Variants in BMP5 observed in about 807,000 individuals in gnomAD.
The protein encoded by BMP5 is bone morphogenetic protein 5.
A neutral mutation model predicts 46.6 loss-of-function variants in BMP5; 23 were observed. The ratio of observed to expected loss-of-function variants is 0.49; its 90% CI spans 0.35 to 0.70. The LOEUF (loss-of-function observed/expected upper bound fraction) is 0.70. Ranked by LOEUF, BMP5 falls within the 30% of genes least tolerant of loss-of-function variation. The pLI, the probability that BMP5 is intolerant of heterozygous loss-of-function variation, is 0.00. For missense variants in BMP5, 545 were observed against 565.6 expected (o/e 0.96, Z 0.37); for synonymous variants, 204 against 191.9 (o/e 1.06, Z -0.52).
At position 55,875,116 on chromosome 6, in the gene BMP5, T is replaced by A. The variant is rs1582138954; in HGVS notation, c.-251A>T. ...TCAGATTTCCAATTATCCACAGTTG[T>A]TAAGAGTTTTTGCTGCATTGATGTA... is the stretch of plus-strand genomic sequence containing the variant. On this transcript the variant is annotated 5_prime_UTR_variant, in exon 1 of 7. Coordinates refer to ENST00000370830, the MANE Select transcript of BMP5 (RefSeq NM_021073.4). The A allele has an allele frequency of 2.3e-6, 1 of 426,670 alleles. No individual in the cohort carries two copies. Among genetic ancestry groups the A allele is most frequent in the African/African-American group, 2.0e-5 (1 of 49,912 alleles). 26.4% of individuals were successfully genotyped at this position (426,670 alleles called of 1,614,324 possible).
intron 1 of BMP5, among the ~76,000 whole-genome samples, chr6:55,829,957 T>C (rs1776627174): frequency 1.3e-5 from 2 of 151,982 alleles, no homozygotes; most frequent in Admixed American, 6.6e-5. Flanking sequence ...TTAAAAACAT[T>C]TGGTCCCTTC....
intron 3 of BMP5, among the ~76,000 whole-genome samples, chr6:55,779,976 A>T (rs1284799754): frequency 2.0e-5 from 3 of 151,944 alleles, no homozygotes; most frequent in African/African-American, 7.2e-5. Flanking sequence ...TTTTTGAGTG[A>T]TTCTTCACAG....
In BMP5 at chr6:55,796,243, T is replaced by A. The variant is rs144363455; in HGVS notation, c.684-1816A>T. On this transcript the variant is annotated intron_variant, in intron 2 of 6. Coordinates refer to ENST00000370830, the MANE Select transcript of BMP5 (RefSeq NM_021073.4). ...AGGCTCATAATGTCATCCCTTGGCA[T>A]GATATTAATAAAGACATGAAAAACA... Among the ~76,000 whole-genome samples, 785 of 152,218 alleles carry A rather than the reference T, an allele frequency of 5.2e-3. 6 individuals carry two copies. The highest frequency in any genetic ancestry group is 0.018 in the African/African-American group (739 of 41,538).
At chr6:55,850,378 A>ATAGG (rs1777205359) in intron 1 of BMP5, among the ~76,000 whole-genome samples, 1 of 143,968 alleles carries the variant, frequency 6.9e-6, no homozygotes, top group African/African-American at 3.0e-5. Flanking sequence ...AGATAGATAG[A>ATAGG]TAGATAGATA....
At chr6:55,809,441 TA>T (rs916272862) in intron 2 of BMP5, among the ~76,000 whole-genome samples, 1 of 152,074 alleles carries the variant, frequency 6.6e-6, no homozygotes, top group African/African-American at 2.4e-5. Flanking sequence ...TAATCCATAA[TA>T]AAACCACCTC....
chr6:55,838,626 T>G (rs868182532), intron 1 of BMP5, among the ~76,000 whole-genome samples: 1 of 152,172 alleles, frequency 6.6e-6, no homozygotes, highest in Non-Finnish European at 1.5e-5. Flanking sequence ...TTTCCCTTGC[T>G]GTGCAGAAGG....
At chr6:55,758,726 C>T (rs1398405885) in intron 6 of BMP5, among the ~76,000 whole-genome samples, 1 of 151,834 alleles carries the variant, frequency 6.6e-6, no homozygotes, top group Non-Finnish European at 1.5e-5. Flanking sequence ...TGTGCTTAGT[C>T]ATACTGTGTA....
intron 2 of BMP5, among the ~76,000 whole-genome samples, chr6:55,800,127 C>A (rs1290133792): frequency 6.6e-6 from 1 of 152,026 alleles, no homozygotes; most frequent in South Asian, 2.1e-4. Context: ...CACAAATATA[C>A]AAAAATGCTA....
At chr6:55,781,780 T>C (rs1225000090) in intron 3 of BMP5, among the ~76,000 whole-genome samples, 1 of 151,976 alleles carries the variant, frequency 6.6e-6, no homozygotes, top group African/African-American at 2.4e-5. Context: ...GTGAAGTTTT[T>C]GTATTTTTTT....
chr6:55,835,841 A>G (rs1172677055), intron 1 of BMP5, among the ~76,000 whole-genome samples: 1 of 152,216 alleles, frequency 6.6e-6, no homozygotes, highest in Non-Finnish European at 1.5e-5. Flanking sequence ...CAATTTGGGG[A>G]AAAGAATTAC....
intron 2 of BMP5, among the ~76,000 whole-genome samples, chr6:55,800,169 G>A (rs745804831): frequency 5.3e-5 from 8 of 152,006 alleles, no homozygotes; most frequent in South Asian, 2.1e-4. Context: ...ATCTGAAGAC[G>A]ATATACTTAT....
intron 5 of BMP5, 57 bp from the exon 6 acceptor site, chr6:55,759,172 A>AAAAAAAC (rs1774697414): frequency 1.5e-5 from 11 of 738,870 alleles, no homozygotes; most frequent in South Asian, 6.2e-5. Flanking sequence ...AAAAAAAAAA[A>AAAAAAAC]AAAAAAAAAA....
At chr6:55,803,189 G>A (rs1775894799) in intron 2 of BMP5, among the ~76,000 whole-genome samples, 3 of 151,688 alleles carry the variant, frequency 2.0e-5, no homozygotes, top group African/African-American at 7.3e-5. Flanking sequence ...CCAGCTACTC[G>A]GGAGGCTGAG....
intron 1 of BMP5, among the ~76,000 whole-genome samples, chr6:55,848,073 C>A (rs1404503403): frequency 6.6e-6 from 1 of 151,868 alleles, no homozygotes; most frequent in African/African-American, 2.4e-5. Context: ...GCTGGTGTAG[C>A]CTAAGTTACA....
intron 1 of BMP5, among the ~76,000 whole-genome samples, chr6:55,856,406 G>C (rs898623976): frequency 2.0e-5 from 3 of 152,090 alleles, no homozygotes; most frequent in African/African-American, 4.8e-5. Context: ...ACTGAGATTT[G>C]TGTCATAATG....
intron 4 of BMP5, among the ~76,000 whole-genome samples, chr6:55,766,915 G>A (rs540325812): frequency 6.6e-6 from 1 of 152,024 alleles, no homozygotes; most frequent in Middle Eastern, 3.4e-3. Context: ...TTTATTCTCA[G>A]ATAAGTCCCT....
chr6:55,799,776 G>T (rs552557729), intron 2 of BMP5, among the ~76,000 whole-genome samples: 22 of 152,192 alleles, frequency 1.4e-4, no homozygotes, highest in African/African-American at 1.9e-4. Flanking sequence ...ACTTGCTGCT[G>T]CCCGAGATAC....
At position 55,874,845 on chromosome 6, in the gene BMP5, T is replaced by C. The variant is rs1777872666; in HGVS notation, c.21A>G (p.Leu7=). The change falls in exon 1 of 7, where the codon TTA becomes TTG. Residue 7 remains leucine, a synonymous_variant. Transcript: ENST00000370830. ...AGAGGAAACCCACAATACCCTTAAG[T>C]AAAAATACAGTCAGATGCATTTTTG... MHLTVF[L]LKGIVGFLWS... 1 of 1,612,626 alleles carries C rather than the reference T, an allele frequency of 6.2e-7. No homozygotes were observed. The highest frequency in any genetic ancestry group is 8.5e-7 in the Non-Finnish European group (1 of 1,179,438).
intron 3 of BMP5, 87 bp from the exon 4 acceptor site, chr6:55,774,330 G>T: frequency 7.6e-7 from 1 of 1,321,428 alleles, no homozygotes; most frequent in South Asian, 1.2e-5. Flanking sequence ...CTTTGAAAAG[G>T]GGAAAAGTTT....
Sources: gnomAD v4.1 joint callset for allele counts (sites outside exome capture counted in the v4.1 genomes callset) on GRCh38, gnomAD v4.1.1 for gene constraint, MANE v1.5 for transcripts, NCBI Gene and HGNC (gene_info 2026-07-23, HGNC 2026-07-21) for gene names.